Variants in CRYBG1 observed in about 807,000 individuals in gnomAD.
The protein encoded by CRYBG1 is beta/gamma crystallin domain-containing protein 1.
A neutral mutation model predicts 189.2 loss-of-function variants in CRYBG1; 139 were observed. That is an observed-to-expected ratio of 0.73 (90% CI 0.64 to 0.85). CRYBG1 has a LOEUF of 0.85. CRYBG1 is among the 40% of genes least tolerant of loss of function. The probability of loss-of-function intolerance (pLI) is 0.00; values close to 1 mark genes in which losing one functional copy is unlikely to be tolerated. For missense variants in CRYBG1, 2,611 were observed against 2,675.8 expected (o/e 0.98, Z 0.53); for synonymous variants, 1,023 against 1,017.1 (o/e 1.01, Z -0.11).
At chr6:106,412,796 T>C (rs575035355) in intron 1 of CRYBG1, among the ~76,000 whole-genome samples, 5 of 152,194 alleles carry the variant, frequency 3.3e-5, no homozygotes, top group Non-Finnish European at 7.3e-5. Context: ...ATGTCAGTGC[T>C]TTCTTGTGTG....
chr6:106,441,353 G>GA (rs1367745918), intron 1 of CRYBG1, among the ~76,000 whole-genome samples: 1 of 152,076 alleles, frequency 6.6e-6, no homozygotes, highest in Non-Finnish European at 1.5e-5. Context: ...GGAGAGCAGG[G>GA]ATACTGTGAT....
At chr6:106,522,843 C>T (rs1773641364) in intron 4 of CRYBG1, among the ~76,000 whole-genome samples, 1 of 152,142 alleles carries the variant, frequency 6.6e-6, no homozygotes, top group South Asian at 2.1e-4. Context: ...GGTTGGGTTT[C>T]CAGCAGAGGT....
At chr6:106,399,691 C>G (rs1770685369) in intron 1 of CRYBG1, among the ~76,000 whole-genome samples, 1 of 141,598 alleles carries the variant, frequency 7.1e-6, no homozygotes. Context: ...GGGTCTCACT[C>G]TGTTACCTAG....
Position 106,439,963 on chromosome 6 carries a change from C to T in CRYBG1, c.174-11731C>T, listed in dbSNP as rs539511278. Among the ~76,000 whole-genome samples, 19 of 152,302 alleles carry T rather than the reference C, an allele frequency of 1.2e-4. No homozygotes were observed. The South Asian group carries it at 3.7e-3, about 30-fold the overall frequency. On this transcript the variant is annotated intron_variant, in intron 1 of 21. Coordinates refer to ENST00000633556, the MANE Select transcript of CRYBG1 (RefSeq NM_001371242.2). ...AATGGTATTTCATAATGTTGAACCTCGAAGTTCAAAACCACTTACTTTCTC... is the reference window on the plus strand; with the variant it reads ...AATGGTATTTCATAATGTTGAACCTTGAAGTTCAAAACCACTTACTTTCTC...
rs1221364265 is a variant in CRYBG1 at position 106,571,758 on chromosome 6, C to T, written c.*3192C>T. Reference sequence around the variant, plus strand: ...GAAGGTGCCACAACAACCTGCAAAGCCAGTGTGAAGGAACAGCTTGAAAAA... The same window carrying T: ...GAAGGTGCCACAACAACCTGCAAAGTCAGTGTGAAGGAACAGCTTGAAAAA... On this transcript the variant is annotated 3_prime_UTR_variant, in exon 22 of 22. Coordinates refer to ENST00000633556, the MANE Select transcript of CRYBG1 (RefSeq NM_001371242.2). 3 of 430,914 alleles carry T rather than the reference C, an allele frequency of 7.0e-6. No homozygotes were observed. Among genetic ancestry groups the T allele is most frequent in the Non-Finnish European group, 1.3e-5 (3 of 238,292 alleles). The allele number at this position is 430,914 out of a possible 1,614,324, so 26.7% of individuals were successfully genotyped here.
chr6:106,497,007 G>A (rs577004748), intron 2 of CRYBG1, among the ~76,000 whole-genome samples: 1 of 152,216 alleles, frequency 6.6e-6, no homozygotes, highest in Non-Finnish European at 1.5e-5. Context: ...AAGGCAGAGA[G>A]AAGGCATCTG....
rs1203017773 is a variant in CRYBG1, at chr6:106,543,889, TA to T, written c.5039+298del. Among the ~76,000 whole-genome samples, 9 of 152,258 alleles carry T rather than the reference TA, an allele frequency of 5.9e-5. No homozygotes were observed. In the East Asian group the frequency reaches 1.2e-3, roughly 20 times the overall value. On this transcript the variant is annotated intron_variant, in intron 11 of 21. Coordinates refer to ENST00000633556, the MANE Select transcript of CRYBG1 (RefSeq NM_001371242.2). ...CAACATGGGGAAACCCCATGTCTACTAAAAAATACAAAATTAGCTGAGCGTG... is the reference window on the plus strand; with the variant it reads ...CAACATGGGGAAACCCCATGTCTACTAAAAATACAAAATTAGCTGAGCGTG...
At chr6:106,558,946 A>G (rs904301659) in intron 18 of CRYBG1, among the ~76,000 whole-genome samples, 4 of 152,112 alleles carry the variant, frequency 2.6e-5, no homozygotes, top group African/African-American at 9.7e-5. Flanking sequence ...CTGAGTGACA[A>G]AGCAAGACCC....
At chr6:106,565,320 C>CAAA (rs10681180) in intron 21 of CRYBG1, among the ~76,000 whole-genome samples, 12,197 of 147,942 alleles carry the variant, frequency 0.082, 576 homozygotes, top group African/African-American at 0.12. Context: ...GACTTCGTCT[C>CAAA]AAAAAAAAAA....
intron 2 of CRYBG1, chr6:106,454,730 CTA>C (rs1213463644): frequency 1.3e-5 from 2 of 152,200 alleles, no homozygotes; most frequent in African/African-American, 4.8e-5. Flanking sequence ...TCCATATGTT[CTA>C]TGTTATTGTA....
chr6:106,499,142 TTGTTTG>T lies in CRYBG1; in HGVS notation c.313-12286_313-12281del, dbSNP rs145858945. ...TGTGTGTTTTTTGTTTTTTGTTTGT[TTGTTTG>T]TTTGTTTGTTTTTTGCTTTTTTGAG... On this transcript the variant is annotated intron_variant, in intron 2 of 21. Transcript: ENST00000633556. 7.9e-4 allele frequency among the ~76,000 whole-genome samples: 26 copies of T among 32,876 alleles called. 2 individuals are homozygous for T. The highest frequency in any genetic ancestry group is 1.2e-3 in the Non-Finnish European group (22 of 17,762). 21.6% of individuals were successfully genotyped at this position (32,876 alleles called of 152,430 possible).
chr6:106,561,583 C>A, intron 20 of CRYBG1, 83 bp downstream of exon 20: 1 of 1,449,154 alleles, frequency 6.9e-7, no homozygotes, highest in South Asian at 1.4e-5. Flanking sequence ...ATCTTTTCTT[C>A]AAGTAGATGC....
At chr6:106,412,388 A>C (rs1388474754) in intron 1 of CRYBG1, among the ~76,000 whole-genome samples, 1 of 152,210 alleles carries the variant, frequency 6.6e-6, no homozygotes, top group Admixed American at 6.5e-5. Context: ...ATATTTTATT[A>C]TAATTTATCC....
At chr6:106,518,975 GCACACACACACACACATACA>G (rs1452650226) in intron 3 of CRYBG1, among the ~76,000 whole-genome samples, 136 bp from the exon 4 acceptor site, 1 of 134,288 alleles carries the variant, frequency 7.4e-6, no homozygotes, top group African/African-American at 2.7e-5. Flanking sequence ...ACATGTGTGC[GCACACACACACACACATACA>G]CACACACACA....
chr6:106,517,439 C>CAT (rs758727692), intron 3 of CRYBG1, among the ~76,000 whole-genome samples: 8 of 136,930 alleles, frequency 5.8e-5, no homozygotes, highest in African/African-American at 2.6e-4. Flanking sequence ...TACACACACA[C>CAT]ATATATATAC....
intron 2 of CRYBG1, among the ~76,000 whole-genome samples, chr6:106,488,824 G>A (rs1772651446): frequency 6.6e-6 from 1 of 152,286 alleles, no homozygotes; most frequent in East Asian, 1.9e-4. Flanking sequence ...AGGCACCTGT[G>A]GGAATTTAGT....
chr6:106,540,689 C>G lies in CRYBG1; in HGVS notation c.4846-897C>G, dbSNP rs1384325502. On this transcript the variant is annotated intron_variant, in intron 9 of 21. Transcript: ENST00000633556. ...GATAATATCAGCCACATTCCTTTTT[C>G]CTTTTTTTTTTTGCTTGTTTTTTCA... Among the ~76,000 whole-genome samples, 20 of 150,238 alleles carry G rather than the reference C, an allele frequency of 1.3e-4. No homozygotes were observed. In the East Asian group the frequency reaches 3.9e-3, roughly 29 times the overall value.
At chr6:106,433,098 CA>C (rs902120277) in intron 1 of CRYBG1, among the ~76,000 whole-genome samples, 2 of 152,084 alleles carry the variant, frequency 1.3e-5, no homozygotes, top group African/African-American at 4.8e-5. Context: ...CTCGGCCTCC[CA>C]AAGTGCTGGG....
intron 2 of CRYBG1, among the ~76,000 whole-genome samples, chr6:106,489,381 T>C (rs1772664839): frequency 6.6e-6 from 1 of 152,118 alleles, no homozygotes. Flanking sequence ...GCCAAGGTCT[T>C]GATAAAATGT....
Sources: gnomAD v4.1 joint callset for allele counts (sites outside exome capture counted in the v4.1 genomes callset) on GRCh38, gnomAD v4.1.1 for gene constraint, MANE v1.5 for transcripts, NCBI Gene and HGNC (gene_info 2026-07-23, HGNC 2026-07-21) for gene names.